The following ADAMTSL1 variants were observed in gnomAD, a reference collection of about 807,000 sequenced individuals.
The protein encoded by ADAMTSL1 is ADAMTS-like protein 1.
A neutral mutation model predicts 201.8 loss-of-function variants in ADAMTSL1; 126 were observed. That is an observed-to-expected ratio of 0.62 (90% CI 0.54 to 0.72). The LOEUF is 0.72. Among genes scored for constraint, ADAMTSL1 ranks in the 30% least tolerant of loss-of-function variants. The probability of loss-of-function intolerance (pLI) is 0.00; values close to 1 mark genes in which losing one functional copy is unlikely to be tolerated. For missense variants in ADAMTSL1, 2,679 were observed against 2,277.8 expected (o/e 1.18, Z -3.59); for synonymous variants, 1,121 against 903.4 (o/e 1.24, Z -4.32).
intron 1 of ADAMTSL1, among the ~76,000 whole-genome samples, chr9:18,482,657 T>TAGTA (rs745723096): frequency 9.2e-5 from 14 of 152,332 alleles, no homozygotes; most frequent in Non-Finnish European, 1.8e-4. Flanking sequence ...TTTGTTCCCA[T>TAGTA]AGTAAGGTAT....
chr9:18,255,689 AG>A lies in ADAMTSL1; in HGVS notation c.207+91710del, dbSNP rs778253521. On this transcript the variant is annotated intron_variant, in intron 2 of 29. Transcript: ENST00000680146. ...GCAAATCCAGAGACAGGTGAAAATG[AG>A]GACTTTGTCTTTTCATATGCTGTTA... Among the ~76,000 whole-genome samples, 7 of 152,236 alleles carry A rather than the reference AG, an allele frequency of 4.6e-5. No homozygotes were observed. The East Asian group carries it at 9.6e-4, about 21-fold the overall frequency.
rs368573750 is a variant in ADAMTSL1, at chr9:18,153,457, C to G, written c.88-10405C>G. ...TTACCACTCATATATTTATAGAACT[C>G]AATTCTGTACCAGGCACTGCTAGGC... On this transcript the variant is annotated intron_variant, in intron 1 of 29. Transcript: ENST00000680146. 2.1e-3 allele frequency among the ~76,000 whole-genome samples: 314 copies of G among 152,134 alleles called. 8 individuals are homozygous for G. In the South Asian group the frequency reaches 0.063, roughly 31 times the overall value.
chr9:18,301,054 A>G (rs1028486190), intron 2 of ADAMTSL1, among the ~76,000 whole-genome samples: 2 of 152,224 alleles, frequency 1.3e-5, no homozygotes, highest in African/African-American at 4.8e-5. Context: ...TCCACAGTAA[A>G]TACTATTTAT....
chr9:18,038,323 C>T, intron 1 of ADAMTSL1, among the ~76,000 whole-genome samples: 1 of 152,072 alleles, frequency 6.6e-6, no homozygotes, highest in East Asian at 1.9e-4. Context: ...TTAGAATGGT[C>T]CATTCTCTCT....
intron 1 of ADAMTSL1, among the ~76,000 whole-genome samples, chr9:18,079,018 T>A (rs1475743924): frequency 6.6e-6 from 1 of 152,152 alleles, no homozygotes; most frequent in Non-Finnish European, 1.5e-5. Flanking sequence ...TCAGAACCTG[T>A]ATCTGTGGAA....
intron 26 of ADAMTSL1, among the ~76,000 whole-genome samples, chr9:18,904,057 A>T (rs1468652393): frequency 6.6e-6 from 1 of 152,002 alleles, no homozygotes; most frequent in East Asian, 1.9e-4. Context: ...ATAGCCTCAA[A>T]TTCCTGGGCT....
intron 1 of ADAMTSL1, among the ~76,000 whole-genome samples, chr9:18,083,852 C>T (rs947833064): frequency 6.6e-6 from 1 of 152,154 alleles, no homozygotes; most frequent in African/African-American, 2.4e-5. Flanking sequence ...TTATTTACTC[C>T]TCTTTTTTAG....
At chr9:18,162,735 T>C (rs1183377330) in intron 1 of ADAMTSL1, among the ~76,000 whole-genome samples, 1 of 151,962 alleles carries the variant, frequency 6.6e-6, no homozygotes, top group Non-Finnish European at 1.5e-5. Flanking sequence ...ATATTAGCAA[T>C]ACCATAAAAA....
At chr9:18,683,235 T>TTTTG (rs1174634445) in intron 12 of ADAMTSL1, among the ~76,000 whole-genome samples, 1 of 150,946 alleles carries the variant, frequency 6.6e-6, no homozygotes, top group Admixed American at 6.6e-5. Flanking sequence ...TTTTTGTTTT[T>TTTTG]TTTTTTTGAG....
intron 1 of ADAMTSL1, among the ~76,000 whole-genome samples, chr9:18,097,364 C>T (rs946234869): frequency 1.3e-5 from 2 of 152,182 alleles, no homozygotes; most frequent in Non-Finnish European, 2.9e-5. Context: ...TTAGCAGTAA[C>T]ACTGCTATTA....
At chr9:18,638,324 C>T (rs552043673) in intron 6 of ADAMTSL1, among the ~76,000 whole-genome samples, 1 of 152,070 alleles carries the variant, frequency 6.6e-6, no homozygotes, top group African/African-American at 2.4e-5. Flanking sequence ...TTGTTTTAAC[C>T]CAGAGCCCCA....
chr9:18,050,441 T>TA (rs942926142), intron 1 of ADAMTSL1, among the ~76,000 whole-genome samples: 8 of 151,962 alleles, frequency 5.3e-5, no homozygotes, highest in South Asian at 2.1e-4. Context: ...GTAAGAAAAA[T>TA]AAAAAAATTA....
intron 2 of ADAMTSL1, among the ~76,000 whole-genome samples, chr9:18,252,943 C>T (rs1035427664): frequency 3.3e-5 from 5 of 152,122 alleles, no homozygotes; most frequent in African/African-American, 1.2e-4. Flanking sequence ...ATGTTTATTA[C>T]CTCATTATCT....
chr9:18,062,140 G>A (rs1341877021), intron 1 of ADAMTSL1, among the ~76,000 whole-genome samples: 1 of 152,162 alleles, frequency 6.6e-6, no homozygotes, highest in Non-Finnish European at 1.5e-5. Flanking sequence ...GTTCTCTAAA[G>A]TGTTTTATTT....
chr9:18,671,195 T>C (rs527690941), intron 9 of ADAMTSL1, among the ~76,000 whole-genome samples: 1 of 151,966 alleles, frequency 6.6e-6, no homozygotes, highest in East Asian at 1.9e-4. Flanking sequence ...CAGTTAAAAG[T>C]GAGGAGAGGA....
intron 1 of ADAMTSL1, among the ~76,000 whole-genome samples, chr9:17,928,121 A>C (rs55963805): frequency 0.075 from 11,341 of 151,646 alleles, 440 homozygotes; most frequent in Middle Eastern, 0.13. Context: ...TAGCCTCCCA[A>C]GTAGCTGGGA....
intron 1 of ADAMTSL1, among the ~76,000 whole-genome samples, chr9:17,914,191 T>C (rs2131274441): frequency 6.6e-6 from 1 of 152,244 alleles, no homozygotes; most frequent in Admixed American, 6.5e-5. Context: ...ATCATCCTGA[T>C]ACCAAAGCCT....
At chr9:18,710,758 T>A (rs566315109) in intron 14 of ADAMTSL1, among the ~76,000 whole-genome samples, 53 of 149,784 alleles carry the variant, frequency 3.5e-4, no homozygotes, top group African/African-American at 1.3e-3. Flanking sequence ...GTTGTAACAT[T>A]GGGTTGGTCA....
chr9:18,636,228 A>T (rs1827105703), intron 6 of ADAMTSL1, among the ~76,000 whole-genome samples: 1 of 152,154 alleles, frequency 6.6e-6, no homozygotes, highest in Non-Finnish European at 1.5e-5. Context: ...CATCCTGAAA[A>T]ATACAAAATA....
Sources: allele counts gnomAD v4.1 joint callset (sites outside exome capture counted in the v4.1 genomes callset), GRCh38; gene constraint gnomAD v4.1.1; transcripts MANE v1.5; gene names NCBI Gene and HGNC (gene_info 2026-07-23, HGNC 2026-07-21).